TRPM3: variants seen among roughly 807,000 people sequenced by gnomAD.
The protein encoded by TRPM3 is long transient receptor potential channel 3.
A neutral mutation model predicts 181.2 loss-of-function variants in TRPM3; 77 were observed. The ratio of observed to expected loss-of-function variants is 0.42; its 90% CI spans 0.35 to 0.51. The LOEUF is 0.51. Ranked by LOEUF, TRPM3 falls within the 20% of genes least tolerant of loss-of-function variation. The probability of loss-of-function intolerance (pLI) is 0.01; values close to 1 mark genes in which losing one functional copy is unlikely to be tolerated. For synonymous variants in TRPM3, 745 were observed against 796.4 expected (o/e 0.94, Z 1.09); for missense variants, 1,759 against 2,196.7 (o/e 0.80, Z 3.98).
At chr9:70,923,238 G>A (rs7849064) in intron 1 of TRPM3, among the ~76,000 whole-genome samples, 35,145 of 151,940 alleles carry the variant, frequency 0.23, 4,549 homozygotes, top group Admixed American at 0.34. Context: ...TCTTCATGGC[G>A]TTTTACACTT....
chr9:70,666,867 T>C (rs1387253858), intron 9 of TRPM3, among the ~76,000 whole-genome samples: 1 of 152,360 alleles, frequency 6.6e-6, no homozygotes, highest in East Asian at 1.9e-4. Context: ...CTCTACTTTC[T>C]GGAAGAGTAT....
chr9:71,192,569 T>C (rs1206662481), intron 1 of TRPM3, among the ~76,000 whole-genome samples: 1 of 151,964 alleles, frequency 6.6e-6, no homozygotes, highest in African/African-American at 2.4e-5. Flanking sequence ...TTTGGAAAAG[T>C]AATTATTCAT....
intron 9 of TRPM3, among the ~76,000 whole-genome samples, chr9:70,649,905 C>T (rs2059390969): frequency 6.6e-6 from 1 of 152,148 alleles, no homozygotes; most frequent in African/African-American, 2.4e-5. Flanking sequence ...GACATGGAAT[C>T]AACCCTGCCC....
intron 1 of TRPM3, among the ~76,000 whole-genome samples, chr9:71,251,904 G>C (rs1580911): frequency 0.4 from 61,317 of 151,780 alleles, 13,219 homozygotes; most frequent in East Asian, 0.52. Flanking sequence ...CTCTATCTCT[G>C]TGTGTTTAAT....
At chr9:70,686,974 C>A (rs1393116050) in intron 8 of TRPM3, among the ~76,000 whole-genome samples, 1 of 151,728 alleles carries the variant, frequency 6.6e-6, no homozygotes, top group Admixed American at 6.6e-5. Context: ...GTGCACACCA[C>A]CATGCCCGGC....
intron 22 of TRPM3, among the ~76,000 whole-genome samples, chr9:70,560,403 A>C (rs2001379): frequency 0.02 from 3,051 of 152,306 alleles, 110 homozygotes; most frequent in African/African-American, 0.068. Flanking sequence ...TGCCAATGTA[A>C]TATTAGTGGC....
chr9:70,955,398 A>G (rs1184998022), intron 1 of TRPM3, among the ~76,000 whole-genome samples: 1 of 152,182 alleles, frequency 6.6e-6, no homozygotes, highest in African/African-American at 2.4e-5. Context: ...TCCTGTCTTC[A>G]GATATCCTTC....
At chr9:71,102,471 A>G (rs2068582259) in intron 1 of TRPM3, among the ~76,000 whole-genome samples, 1 of 152,194 alleles carries the variant, frequency 6.6e-6, no homozygotes, top group Non-Finnish European at 1.5e-5. Flanking sequence ...AGCTTATGCT[A>G]CACTGCCTAC....
chr9:70,788,085 A>G, intron 6 of TRPM3, among the ~76,000 whole-genome samples: 1 of 147,788 alleles, frequency 6.8e-6, no homozygotes, highest in East Asian at 2.0e-4. Context: ...ATATGTATAC[A>G]TGTGCCATGC....
rs1173757255 is a variant in TRPM3 at position 70,625,479 on chromosome 9, C to T, written c.1668+3G>A. 6.2e-7 allele frequency: 1 copy of T among 1,609,186 alleles called. No individual in the cohort carries two copies. Among genetic ancestry groups the T allele is most frequent in the African/African-American group, 1.3e-5 (1 of 74,514 alleles). On this transcript the variant is annotated splice_donor_region_variant and intron_variant, in intron 13 of 25. Coordinates refer to ENST00000677713, the MANE Select transcript of TRPM3 (RefSeq NM_001366145.2). This position sits in a 1 kb window ranked among gnomAD's most constrained non-coding sequence, Gnocchi z 4.8. ...GTATTATTATGCTGGTTAATTAATT[C>T]ACCTTAAAATAGATCCAACCGAAAC...
chr9:71,019,290 A>G (rs1250041645), intron 1 of TRPM3, among the ~76,000 whole-genome samples: 5 of 151,974 alleles, frequency 3.3e-5, no homozygotes, highest in Admixed American at 3.3e-4. Context: ...TTAAAAGAAT[A>G]TTGGAAAGGA....
chr9:70,682,735 A>G (rs1411255112), intron 8 of TRPM3, among the ~76,000 whole-genome samples: 1 of 152,228 alleles, frequency 6.6e-6, no homozygotes, highest in Non-Finnish European at 1.5e-5. Flanking sequence ...TTGTTTTCCA[A>G]GTCAGAGGAG....
chr9:71,320,901 A>G (rs1323812548), intron 1 of TRPM3, among the ~76,000 whole-genome samples: 1 of 152,044 alleles, frequency 6.6e-6, no homozygotes, highest in Admixed American at 6.6e-5. Context: ...TGAATGATAC[A>G]TCCCGCTACC....
At chr9:70,546,549 T>C (rs1472148773) in intron 25 of TRPM3, among the ~76,000 whole-genome samples, 1 of 152,032 alleles carries the variant, frequency 6.6e-6, no homozygotes, top group Non-Finnish European at 1.5e-5. Context: ...TGCCTGGCAA[T>C]GGTGAAAGCC....
intron 2 of TRPM3, 39 bp downstream of exon 2, chr9:70,864,393 A>G: frequency 1.5e-6 from 2 of 1,375,218 alleles, no homozygotes; most frequent in Non-Finnish European, 1.9e-6. Flanking sequence ...TTGTATAATT[A>G]CTACTTCATG....
chr9:70,567,371 C>T (rs370877030), intron 22 of TRPM3, among the ~76,000 whole-genome samples: 2 of 152,188 alleles, frequency 1.3e-5, no homozygotes, highest in South Asian at 4.1e-4. Flanking sequence ...TTCTTTTATG[C>T]CTGGAATTGT....
intron 1 of TRPM3, among the ~76,000 whole-genome samples, chr9:70,911,400 C>A (rs895140802): frequency 5.3e-5 from 8 of 152,188 alleles, no homozygotes; most frequent in African/African-American, 1.4e-4. Flanking sequence ...ATACTCCCTT[C>A]CAGAGTAATT....
chr9:70,665,410 A>G (rs1391434804), intron 9 of TRPM3, among the ~76,000 whole-genome samples: 1 of 152,054 alleles, frequency 6.6e-6, no homozygotes, highest in Admixed American at 6.6e-5. Context: ...TTGCCACTAT[A>G]TTCTCATGTG....
intron 1 of TRPM3, among the ~76,000 whole-genome samples, chr9:71,184,954 C>A (rs187026724): frequency 1.3e-5 from 2 of 152,196 alleles, no homozygotes; most frequent in African/African-American, 4.8e-5. Context: ...GAAACACATA[C>A]ACACACAAAT....
Sources: allele counts gnomAD v4.1 joint callset (sites outside exome capture counted in the v4.1 genomes callset), GRCh38; gene constraint gnomAD v4.1.1; non-coding constraint Gnocchi (gnomAD v3.1); transcripts MANE v1.5; gene names NCBI Gene and HGNC (gene_info 2026-07-23, HGNC 2026-07-21).